Variants in DNER observed in about 807,000 individuals in gnomAD.
DNER encodes delta and Notch-like epidermal growth factor-related receptor.
Under a neutral mutation model 78.2 loss-of-function variants are expected in DNER, and 33 were observed. The observed-to-expected ratio is 0.42, with a 90% CI of 0.32 to 0.56. The LOEUF (loss-of-function observed/expected upper bound fraction) is 0.56, where lower values mean the gene tolerates loss of function less well. Among genes scored for constraint, DNER ranks in the 20% least tolerant of loss-of-function variants. The pLI is 0.11. For synonymous variants in DNER, 417 were observed against 384.8 expected (o/e 1.08, Z -0.98); for missense variants, 918 against 975.3 (o/e 0.94, Z 0.78).
intron 8 of DNER, among the ~76,000 whole-genome samples, chr2:229,438,170 C>T (rs906263193): frequency 3.9e-5 from 6 of 152,174 alleles, no homozygotes; most frequent in African/African-American, 7.2e-5. Context: ...TACCTAGATG[C>T]GGTTCAATAC....
At chr2:229,395,362 G>A (rs1043658470) in intron 10 of DNER, among the ~76,000 whole-genome samples, 2 of 152,200 alleles carry the variant, frequency 1.3e-5, no homozygotes, top group African/African-American at 4.8e-5. Context: ...AACACCCTTT[G>A]GGGGATGGGC....
At chr2:229,519,578 T>A (rs552204515) in intron 5 of DNER, among the ~76,000 whole-genome samples, 49 of 152,182 alleles carry the variant, frequency 3.2e-4, no homozygotes, top group African/African-American at 1.2e-3. Context: ...AGGAAAATTA[T>A]GTCAGGTGTC....
intron 1 of DNER, among the ~76,000 whole-genome samples, chr2:229,612,314 C>G (rs1469603407): frequency 6.6e-6 from 1 of 152,134 alleles, no homozygotes; most frequent in African/African-American, 2.4e-5. Context: ...CAACTGAGTC[C>G]ACTGTTGGGG....
intron 10 of DNER, among the ~76,000 whole-genome samples, chr2:229,388,945 A>G (rs1389097358): frequency 1.3e-5 from 2 of 151,970 alleles, no homozygotes; most frequent in Non-Finnish European, 2.9e-5. Context: ...TAGTTCTAGG[A>G]CATAGCTGTG....
intron 1 of DNER, among the ~76,000 whole-genome samples, chr2:229,669,907 T>A (rs1200766125): frequency 1.3e-5 from 2 of 152,160 alleles, no homozygotes; most frequent in East Asian, 3.8e-4. Flanking sequence ...TCAATGAGTA[T>A]GAGAACACAG....
At chr2:229,698,026 C>T in intron 1 of DNER, among the ~76,000 whole-genome samples, 1 of 152,088 alleles carries the variant, frequency 6.6e-6, no homozygotes, top group East Asian at 1.9e-4. Context: ...CCTAGAAGGA[C>T]CCCCGTATCT....
chr2:229,495,874 T>C (rs1263316731), intron 6 of DNER, among the ~76,000 whole-genome samples: 1 of 152,242 alleles, frequency 6.6e-6, no homozygotes, highest in African/African-American at 2.4e-5. Context: ...TCATATCATG[T>C]CTACCTCCTG....
At chr2:229,390,241 A>C (rs1214182435) in intron 10 of DNER, among the ~76,000 whole-genome samples, 1 of 152,254 alleles carries the variant, frequency 6.6e-6, no homozygotes, top group Non-Finnish European at 1.5e-5. Context: ...CCTTTACAAG[A>C]ATAGCTACAG....
At chr2:229,439,663 T>G (rs918357727) in intron 8 of DNER, among the ~76,000 whole-genome samples, 1 of 152,208 alleles carries the variant, frequency 6.6e-6, no homozygotes, top group Non-Finnish European at 1.5e-5. Context: ...TTCAACCACA[T>G]AGTAAGAGTC....
chr2:229,447,492 G>A lies in DNER; in HGVS notation c.1310C>T (p.Ser437Phe), dbSNP rs746572847. The A allele has an allele frequency of 6.2e-7, 1 of 1,614,190 alleles. No individual in the cohort carries two copies. The highest frequency in any genetic ancestry group is 1.7e-5 in the Admixed American group (1 of 60,032). Residue 437 changes from serine to phenylalanine, a missense_variant, in exon 8 of 13, where the codon TCT becomes TTT. By Grantham distance (155) the Ser-to-Phe change is radical. Coordinates refer to ENST00000341772, the MANE Select transcript of DNER (RefSeq NM_139072.4). The part of the protein sequence containing the change: ...CEEKVDPCAS[S>F]PCQNNGTCYV... ...GCAGGTGCCGTTGTTCTGGCACGGA[G>A]ACGAGGCGCAGGGGTCCACCTTTTC...
chr2:229,508,775 G>A (rs543409978), intron 6 of DNER, among the ~76,000 whole-genome samples: 2 of 152,214 alleles, frequency 1.3e-5, no homozygotes, highest in Middle Eastern at 3.4e-3. Flanking sequence ...CAGCTACTCG[G>A]GAGGCTGAGG....
At chr2:229,362,465 G>T (rs1692238809) in intron 12 of DNER, among the ~76,000 whole-genome samples, 1 of 152,260 alleles carries the variant, frequency 6.6e-6, no homozygotes, top group African/African-American at 2.4e-5. Flanking sequence ...GCATTGAAAG[G>T]CATCACCTTC....
chr2:229,444,401 A>G (rs1694298054), intron 8 of DNER, among the ~76,000 whole-genome samples: 1 of 152,160 alleles, frequency 6.6e-6, no homozygotes. Flanking sequence ...GTTTTAGTCA[A>G]TAAGCGAGGA....
chr2:229,373,709 T>C (rs999884512), intron 11 of DNER, among the ~76,000 whole-genome samples: 1 of 152,020 alleles, frequency 6.6e-6, no homozygotes, highest in African/African-American at 2.4e-5. Flanking sequence ...CAAAGATGGA[T>C]TGAATAAAGA....
At chr2:229,623,724 T>C (rs1698290046) in intron 1 of DNER, among the ~76,000 whole-genome samples, 1 of 152,318 alleles carries the variant, frequency 6.6e-6, no homozygotes, top group South Asian at 2.1e-4. Context: ...TGAGCACTGT[T>C]GTCACCAGCA....
rs76823775 is a variant in DNER at position 229,655,029 on chromosome 2, C to T, written c.276+59119G>A. On this transcript the variant is annotated intron_variant, in intron 1 of 12. Transcript: ENST00000341772. ...TTCAGATGTTTTAAAAAAAATTCAT[C>T]GGTACTGAGATGAATCTAATAGAAT... Among the ~76,000 whole-genome samples, 770 of 152,116 alleles carry T rather than the reference C, an allele frequency of 5.1e-3. 7 individuals carry two copies. The highest frequency in any genetic ancestry group is 0.017 in the African/African-American group (725 of 41,492).
chr2:229,681,984 G>A (rs532112014), intron 1 of DNER, among the ~76,000 whole-genome samples: 9 of 152,108 alleles, frequency 5.9e-5, no homozygotes, highest in Non-Finnish European at 8.8e-5. Context: ...TCCTCTGCAC[G>A]TATTTCAGAG....
intron 5 of DNER, among the ~76,000 whole-genome samples, chr2:229,527,332 C>T (rs530523808): frequency 2.6e-5 from 4 of 152,256 alleles, no homozygotes; most frequent in Admixed American, 2.6e-4. Flanking sequence ...AACCCAGATC[C>T]CTGTTCTCAC....
At chr2:229,642,681 T>C (rs904620126) in intron 1 of DNER, among the ~76,000 whole-genome samples, 1 of 152,204 alleles carries the variant, frequency 6.6e-6, no homozygotes, top group Non-Finnish European at 1.5e-5. Context: ...AAAGTGCCCA[T>C]ATGGCTCCTC....
Sources: allele counts gnomAD v4.1 joint callset (sites outside exome capture counted in the v4.1 genomes callset), GRCh38; gene constraint gnomAD v4.1.1; transcripts MANE v1.5; gene names NCBI Gene and HGNC (gene_info 2026-07-23, HGNC 2026-07-21).